Variants in PCDHA5 observed in about 807,000 individuals in gnomAD.
PCDHA5 encodes protocadherin alpha 5, also known as protocadherin alpha-5.
PCDHA5 carries 43 observed loss-of-function variants against 61.6 expected under a neutral mutation model. The ratio of observed to expected loss-of-function variants is 0.70; its 90% confidence interval spans 0.55 to 0.90. PCDHA5 has a LOEUF of 0.90. Among genes scored for constraint, PCDHA5 ranks in the 40% least tolerant of loss-of-function variants. The probability of loss-of-function intolerance (pLI) is 0.00; values close to 1 mark genes in which losing one functional copy is unlikely to be tolerated. For synonymous variants in PCDHA5, 627 were observed against 543.9 expected (o/e 1.15, Z -2.13); for missense variants, 1,298 against 1,222.7 (o/e 1.06, Z -0.92).
At chr5:140,932,471 A>G (rs1056932090) in intron 1 of PCDHA5, among the ~76,000 whole-genome samples, 11 of 152,050 alleles carry the variant, frequency 7.2e-5, no homozygotes, top group African/African-American at 1.7e-4. Flanking sequence ...TATAGGAAAT[A>G]GGATATCTCC....
chr5:140,824,073 A>G lies in PCDHA5; in HGVS notation c.2298A>G (p.Thr766=), dbSNP rs1767987238. ...RVCSGEAPPK[T]DLMAFSPSLP... is the part of the protein sequence containing the mutation. ...GCTCTGGGGAAGCTCCACCCAAAAC[A>G]GACCTCATGGCCTTCAGTCCAAGCC... Residue 766 remains threonine, a synonymous_variant, in exon 1 of 4, where the codon ACA becomes ACG. Transcript: ENST00000529859. 6.2e-7 allele frequency: 1 copy of G among 1,614,196 alleles called. No individual in the cohort carries two copies. The highest frequency in any genetic ancestry group is 1.6e-4 in the Middle Eastern group (1 of 6,062).
intron 1 of PCDHA5, among the ~76,000 whole-genome samples, chr5:140,873,809 C>T (rs1554166897): frequency 6.6e-6 from 1 of 152,138 alleles, no homozygotes; most frequent in Non-Finnish European, 1.5e-5. Context: ...TACAGGCATG[C>T]ACCACCACTC....
chr5:140,849,764 G>A, intron 1 of PCDHA5: 1 of 1,598,518 alleles, frequency 6.3e-7, no homozygotes, highest in South Asian at 1.1e-5. Context: ...CCTACGAGCT[G>A]GTGGTTACCG....
intron 1 of PCDHA5, chr5:140,877,392 G>A: frequency 1.2e-6 from 2 of 1,613,970 alleles, no homozygotes; most frequent in Non-Finnish European, 1.7e-6. Flanking sequence ...TGGATGAGGC[G>A]GACGCTCCGC....
rs138821024 is a variant in PCDHA5, at chr5:140,968,111, C to T, written c.2353-10838C>T. ...AGCCACAGATGGGGGAATACCGCAG[C>T]TCACATCCCTGCGTACACTGAAGGT... On this transcript the variant is annotated intron_variant, in intron 1 of 3. Transcript: ENST00000529859. 533 of 1,614,062 alleles carry T rather than the reference C, an allele frequency of 3.3e-4. 1 individual carries two copies. The highest frequency in any genetic ancestry group is 4.1e-4 in the Non-Finnish European group (489 of 1,180,052).
chr5:140,979,145 G>A, intron 2 of PCDHA5, 138 bp downstream of exon 2: 1 of 1,447,220 alleles, frequency 6.9e-7, no homozygotes, highest in Non-Finnish European at 9.1e-7. Context: ...CAATTATTTT[G>A]TCCCCATGTT....
At position 140,877,266 on chromosome 5, in the gene PCDHA5, C is replaced by A. The variant is rs2056980298; in HGVS notation, c.2352+53139C>A. The A allele has an allele frequency of 4.3e-6, 7 of 1,613,808 alleles. No individual in the cohort carries two copies. The South Asian group carries it at 5.5e-5, about 13-fold the overall frequency. ...TGGTGGCGAAAGTGCGCGCGGTGGA[C>A]GCTGACTCCGGCTATAACGCTTGGC... On this transcript the variant is annotated intron_variant, in intron 1 of 3. Transcript: ENST00000529859.
intron 1 of PCDHA5, among the ~76,000 whole-genome samples, chr5:140,925,706 T>C (rs371734955): frequency 2.0e-5 from 3 of 151,422 alleles, no homozygotes; most frequent in Admixed American, 6.6e-5. Context: ...AGCCTATTCT[T>C]ATCCTGCCTC....
chr5:140,828,485 T>A (rs2150155911), intron 1 of PCDHA5: 2 of 1,614,056 alleles, frequency 1.2e-6, no homozygotes, highest in Admixed American at 3.3e-5. Context: ...CAACCCGCCC[T>A]TGTTCCCGGT....
At chr5:140,928,381 T>C (rs1554205835) in intron 1 of PCDHA5, 2 of 1,614,054 alleles carry the variant, frequency 1.2e-6, no homozygotes, top group African/African-American at 2.7e-5. Flanking sequence ...AGCCTCTAGC[T>C]TGCTGGCAGT....
intron 1 of PCDHA5, chr5:140,967,239 G>A: frequency 1.9e-6 from 3 of 1,613,672 alleles, no homozygotes; most frequent in Non-Finnish European, 2.5e-6. Context: ...CTTCAGGTAA[G>A]CGAATCGGTG....
chr5:140,870,028 T>G, intron 1 of PCDHA5: 1 of 1,613,550 alleles, frequency 6.2e-7, no homozygotes, highest in Non-Finnish European at 8.5e-7. Context: ...AACTTTAGAT[T>G]ATGAAGAAAA....
At chr5:140,850,816 C>T (rs2150499386) in intron 1 of PCDHA5, 3 of 1,598,298 alleles carry the variant, frequency 1.9e-6, no homozygotes, top group Admixed American at 1.7e-5. Flanking sequence ...GCCTTCAGCC[C>T]GGGCCTTTCT....
At chr5:140,935,760 T>C (rs1320272382) in intron 1 of PCDHA5, among the ~76,000 whole-genome samples, 1 of 152,152 alleles carries the variant, frequency 6.6e-6, no homozygotes, top group Non-Finnish European at 1.5e-5. Flanking sequence ...TACACATTCT[T>C]CCCCACTTTG....
Position 140,883,733 on chromosome 5 carries a change from C to T in PCDHA5, c.2352+59606C>T, listed in dbSNP as rs1554179634. 2.5e-6 allele frequency: 4 copies of T among 1,613,458 alleles called. No individual in the cohort carries two copies. In the East Asian group the frequency reaches 6.7e-5, roughly 27 times the overall value. On this transcript the variant is annotated intron_variant, in intron 1 of 3. Coordinates refer to ENST00000529859, the MANE Select transcript of PCDHA5 (RefSeq NM_018908.3). ...GGACGCGGACGCACAGGAGAACGCG[C>T]TGGTCTCCTACTCGCTGGTGGAGCG...
rs2150130560 is a variant in PCDHA5, at chr5:140,823,937, G to A, written c.2162G>A (p.Arg721Gln). The change falls in exon 1 of 4, where the codon CGG becomes CAG. Residue 721 changes from arginine (R) to glutamine (Q), a missense_variant. Physicochemically the swap from Arg to Gln is conservative, Grantham distance 43. Transcript: ENST00000529859. The stretch of plus-strand genomic sequence containing the variant: ...ACGCTGCTGCTGTACACCGCGCTGC[G>A]GTGCTCGGCGCAGCCCACCGAGGCC... The part of the protein sequence containing the change: ...VLTLLLYTAL[R>Q]CSAQPTEAVC... The A allele has an allele frequency of 1.2e-5, 19 of 1,613,788 alleles. No homozygotes were observed. The highest frequency in any genetic ancestry group is 1.6e-4 in the Middle Eastern group (1 of 6,078).
Position 140,876,332 on chromosome 5 carries a change from T to C in PCDHA5, c.2352+52205T>C. On this transcript the variant is annotated intron_variant, in intron 1 of 3. Coordinates refer to ENST00000529859, the MANE Select transcript of PCDHA5 (RefSeq NM_018908.3). ...TATGGGATCAAAATGATTTTGCCAGTGAGTGAGAAATGTATGTTTTCAATA... is the reference window on the plus strand; with the variant it reads ...TATGGGATCAAAATGATTTTGCCAGCGAGTGAGAAATGTATGTTTTCAATA... 6.2e-7 allele frequency: 1 copy of C among 1,613,990 alleles called. No homozygotes were observed. Among genetic ancestry groups the C allele is most frequent in the Non-Finnish European group, 8.5e-7 (1 of 1,179,896 alleles).
chr5:140,876,787 G>A, intron 1 of PCDHA5: 1 of 1,614,228 alleles, frequency 6.2e-7, no homozygotes, highest in Non-Finnish European at 8.5e-7. Context: ...GTGGGCCACG[G>A]CTAGAGTGTC....
At chr5:140,993,958 G>A (rs782075870) in intron 3 of PCDHA5, among the ~76,000 whole-genome samples, 1 of 152,162 alleles carries the variant, frequency 6.6e-6, no homozygotes, top group Non-Finnish European at 1.5e-5. Context: ...ATACATGACT[G>A]TAGTCATCAT....
Sources: gnomAD v4.1 joint callset for allele counts (sites outside exome capture counted in the v4.1 genomes callset) on GRCh38, gnomAD v4.1.1 for gene constraint, MANE v1.5 for transcripts, NCBI Gene and HGNC (gene_info 2026-07-23, HGNC 2026-07-21) for gene names.